The following RBBP6 variants were observed in gnomAD, a reference collection of about 807,000 sequenced individuals.
RBBP6 encodes the protein E3 ubiquitin-protein ligase RBBP6.
Under a neutral mutation model 167.7 loss-of-function variants are expected in RBBP6, and 25 were observed. That is an observed-to-expected ratio of 0.15 (90% confidence interval 0.11 to 0.21). The LOEUF (loss-of-function observed/expected upper bound fraction) is 0.21. RBBP6 is among the 10% of genes least tolerant of loss of function. The pLI is 1.00. For synonymous variants in RBBP6, 789 were observed against 735.8 expected, an observed-to-expected ratio of 1.07 and a Z score of -1.17; for missense variants, 1,868 against 2,134.2, an observed-to-expected ratio of 0.88 and a Z score of 2.46.
chr16:24,546,190 C>T lies in RBBP6; in HGVS notation c.194C>T (p.Pro65Leu). The change falls in exon 2 of 18, where the codon CCT (proline) becomes CTT (leucine). Residue 65 changes from proline (P) to leucine (L), a missense_variant. Physicochemically the swap from Pro to Leu is moderately conservative, Grantham distance 98. Coordinates refer to ENST00000319715, the MANE Select transcript of RBBP6 (RefSeq NM_006910.5). ...TATACTGATGATAATGCTCTGATTC[C>T]TAAGAATTCTTCTGTAATTGTTAGA... is the stretch of plus-strand genomic sequence containing the variant. ...EEYTDDNALI[P>L]KNSSVIVRRI... 1 of 1,585,628 alleles carries T rather than the reference C, an allele frequency of 6.3e-7. No individual in the cohort carries two copies. The highest frequency in any genetic ancestry group is 1.2e-5 in the South Asian group (1 of 84,578).
intron 17 of RBBP6, 39 bp from the exon 18 acceptor site, chr16:24,570,837 A>G (rs1899308742): frequency 7.4e-7 from 1 of 1,343,550 alleles, no homozygotes; most frequent in Non-Finnish European, 9.7e-7. Flanking sequence ...TTAATAGTAA[A>G]TTCTTCATTA....
At position 24,570,972 on chromosome 16, in the gene RBBP6, C is replaced by T; in HGVS notation, c.3906C>T (p.Asp1302=). 6.2e-7 allele frequency: 1 copy of T among 1,611,418 alleles called. No individual in the cohort carries two copies. The highest frequency in any genetic ancestry group is 8.5e-7 in the Non-Finnish European group (1 of 1,177,954). ...VIKTMEEYNN[D]NTAPAEDVII... is the part of the protein sequence containing the mutation. Reference sequence around the variant, plus strand: ...AAACGATGGAAGAATATAATAATGACAATACCGCGCCAGCTGAAGATGTTA... The same window carrying T: ...AAACGATGGAAGAATATAATAATGATAATACCGCGCCAGCTGAAGATGTTA... The change falls in exon 18 of 18, where the codon GAC becomes GAT. Residue 1302 remains aspartate (D), a synonymous_variant. Transcript: ENST00000319715.
intron 3 of RBBP6, among the ~76,000 whole-genome samples, chr16:24,551,193 A>T (rs750914045): frequency 6.6e-6 from 1 of 151,898 alleles, no homozygotes; most frequent in East Asian, 1.9e-4. Context: ...AAAAGATTTT[A>T]GATCCTTGCT....
rs1278930116 is a variant in RBBP6 at position 24,540,767 on chromosome 16, G to T, written c.141G>T (p.Gln47His). Residue 47 changes from glutamine (Q) to histidine (H), a missense_variant, in exon 1 of 18, where the codon CAG becomes CAT. Coordinates refer to ENST00000319715, the MANE Select transcript of RBBP6 (RefSeq NM_006910.5). Reference sequence around the variant, plus strand: ...TGAAAGCTGCCGACTGCGACCTGCAGATCACCAATGCGCAGACGAAAGAAG... The same window carrying T: ...TGAAAGCTGCCGACTGCGACCTGCATATCACCAATGCGCAGACGAAAGAAG... ...EKLKAADCDLQITNAQTKEEY... is the reference protein window; with the variant it reads ...EKLKAADCDLHITNAQTKEEY... 6 of 1,613,736 alleles carry T rather than the reference G, an allele frequency of 3.7e-6. No homozygotes were observed. The highest frequency in any genetic ancestry group is 5.1e-6 in the Non-Finnish European group (6 of 1,179,942).
Position 24,571,385 on chromosome 16 carries a change from T to G in RBBP6, c.4319T>G (p.Phe1440Cys). The G allele has an allele frequency of 2.5e-6, 4 of 1,613,944 alleles. No homozygotes were observed. The highest frequency in any genetic ancestry group is 3.4e-6 in the Non-Finnish European group (4 of 1,179,998). Residue 1440 changes from phenylalanine (F) to cysteine (C), a missense_variant, in exon 18 of 18, where the codon TTT becomes TGT. Coordinates refer to ENST00000319715, the MANE Select transcript of RBBP6 (RefSeq NM_006910.5). ...GACCGTCTGAATGAACAAGGAAATT[T>G]TAAAAGTCTGTCTCAATCTTCCAAA... ...NLDRLNEQGN[F>C]KSLSQSSKEA... is the part of the protein sequence containing the mutation.
At chr16:24,551,725 A>G (rs1272893034) in intron 3 of RBBP6, among the ~76,000 whole-genome samples, 2 of 151,658 alleles carry the variant, frequency 1.3e-5, no homozygotes, top group Non-Finnish European at 3.0e-5. Context: ...AAGAAAGTTA[A>G]TATAATTGTT....
intron 7 of RBBP6, chr16:24,558,353 C>A: frequency 7.7e-6 from 4 of 519,652 alleles, no homozygotes; most frequent in Non-Finnish European, 9.9e-6. Context: ...TCTTCTGTTT[C>A]TTTTTCTATC....
intron 1 of RBBP6, among the ~76,000 whole-genome samples, chr16:24,545,005 A>AT (rs1898605040): frequency 1.3e-5 from 2 of 152,062 alleles, no homozygotes; most frequent in Admixed American, 6.5e-5. Flanking sequence ...CTCTACCTGG[A>AT]TTTTTTAGCA....
At chr16:24,549,020 G>A in intron 3 of RBBP6, 39 bp downstream of exon 3, 1 of 1,601,342 alleles carries the variant, frequency 6.2e-7, no homozygotes, top group Non-Finnish European at 8.5e-7. Context: ...TCTACACATT[G>A]CTTTTACCTT....
chr16:24,548,671 C>A (rs1424250104), intron 2 of RBBP6, among the ~76,000 whole-genome samples: 3 of 152,082 alleles, frequency 2.0e-5, no homozygotes, highest in Non-Finnish European at 4.4e-5. Context: ...TACTACCTTT[C>A]AGAAAACATT....
intron 2 of RBBP6, among the ~76,000 whole-genome samples, chr16:24,547,438 T>C (rs1195093808): frequency 2.0e-5 from 3 of 152,110 alleles, no homozygotes. Context: ...TATATATATG[T>C]GTGTATATAT....
Position 24,569,780 on chromosome 16 carries a change from A to G in RBBP6, c.3090A>G (p.Lys1030=). 1 of 1,613,824 alleles carries G rather than the reference A, an allele frequency of 6.2e-7. No individual in the cohort carries two copies. Among genetic ancestry groups the G allele is most frequent in the Non-Finnish European group, 8.5e-7 (1 of 1,179,980 alleles). The part of the protein sequence containing the change: ...KRKNDGSAVS[K]KENIVKPAKG... The stretch of plus-strand genomic sequence containing the variant: ...AGAATGATGGATCTGCTGTGTCCAA[A>G]AAAGAAAATATTGTAAAACCTGCTA... The change falls in exon 17 of 18, where the codon AAA becomes AAG. Residue 1030 remains lysine (K), a synonymous_variant. Coordinates refer to ENST00000319715, the MANE Select transcript of RBBP6 (RefSeq NM_006910.5).
chr16:24,547,450 T>C (rs570956962), intron 2 of RBBP6, among the ~76,000 whole-genome samples: 11 of 152,278 alleles, frequency 7.2e-5, no homozygotes, highest in African/African-American at 2.4e-4. Flanking sequence ...TGTATATATA[T>C]ATATTGTTTT....
In RBBP6 at chr16:24,546,071, T is replaced by G; in HGVS notation, c.167-92T>G. The G allele has an allele frequency of 2.8e-6, 4 of 1,451,428 alleles. No individual in the cohort carries two copies. The South Asian group carries it at 5.6e-5, about 20-fold the overall frequency. 89.9% of individuals were successfully genotyped at this position (1,451,428 alleles called of 1,614,324 possible). A position where few individuals can be genotyped will look rare whatever the true frequency, so the allele number is the denominator to read the frequency against. On this transcript the variant is annotated intron_variant, in intron 1 of 17. Transcript: ENST00000319715. ...CTTGTAGTTATTATATTTAAAGTCA[T>G]TTCCCATGAAATTTATATTTGAAGT...
At chr16:24,564,279 G>C (rs1489199538) in intron 13 of RBBP6, among the ~76,000 whole-genome samples, 1 of 152,142 alleles carries the variant, frequency 6.6e-6, no homozygotes, top group Non-Finnish European at 1.5e-5. Context: ...TTAAAAGTAT[G>C]AGTTACTAGC....
At chr16:24,548,578 C>T (rs987599663) in intron 2 of RBBP6, among the ~76,000 whole-genome samples, 6 of 152,120 alleles carry the variant, frequency 3.9e-5, no homozygotes, top group Admixed American at 6.5e-5. Context: ...TGAAAATTTA[C>T]GCATTCAGAA....
intron 14 of RBBP6, among the ~76,000 whole-genome samples, chr16:24,566,737 G>C (rs1335893021): frequency 2.0e-5 from 3 of 152,122 alleles, no homozygotes; most frequent in Non-Finnish European, 4.4e-5. Flanking sequence ...GTGAGACTCT[G>C]TCTCAAAAAA....
intron 1 of RBBP6, among the ~76,000 whole-genome samples, chr16:24,544,306 A>G (rs1596498677): frequency 6.6e-6 from 1 of 152,180 alleles, no homozygotes; most frequent in East Asian, 1.9e-4. Flanking sequence ...TGGGGCTATC[A>G]TGAACTGTCC....
At chr16:24,559,451 C>A in intron 7 of RBBP6, 54 bp from the exon 8 acceptor site, 1 of 1,423,766 alleles carries the variant, frequency 7.0e-7, no homozygotes, top group Non-Finnish European at 9.6e-7. Context: ...GAACATGTAG[C>A]ATGAGTACTC....
Sources: allele counts gnomAD v4.1 joint callset (sites outside exome capture counted in the v4.1 genomes callset), GRCh38; gene constraint gnomAD v4.1.1; transcripts MANE v1.5; gene names NCBI Gene and HGNC (gene_info 2026-07-23, HGNC 2026-07-21).